The following CNTN4 variants were observed in gnomAD, a reference collection of about 807,000 sequenced individuals.
CNTN4 encodes contactin-4.
In CNTN4, 77 loss-of-function variants were observed where a neutral mutation model predicts 122.5. The observed-to-expected ratio is 0.63, with a 90% CI of 0.52 to 0.76. CNTN4 has a LOEUF of 0.76. Among genes scored for constraint, CNTN4 ranks in the 30% least tolerant of loss-of-function variants. CNTN4 has a pLI of 0.00. For synonymous variants in CNTN4, 512 were observed against 447.0 expected (o/e 1.15, Z -1.83); for missense variants, 1,256 against 1,259.1 (o/e 1.00, Z 0.04).
rs377207115 is a variant in CNTN4 at position 2,652,878 on chromosome 3, C to T, written c.55+81320C>T. ...ATCTTTTCTTTTGGAATTTTCTTTA[C>T]GGCTCCTATTTTATTCCTCTGAATA... is the stretch of plus-strand genomic sequence containing the variant. On this transcript the variant is annotated intron_variant, in intron 4 of 24. Transcript: ENST00000418658. 6.6e-5 allele frequency among the ~76,000 whole-genome samples: 10 copies of T among 152,044 alleles called. No individual in the cohort carries two copies. The East Asian group carries it at 7.7e-4, about 12-fold the overall frequency.
At chr3:2,173,336 A>C (rs1036482982) in intron 2 of CNTN4, among the ~76,000 whole-genome samples, 1 of 152,192 alleles carries the variant, frequency 6.6e-6, no homozygotes, top group Non-Finnish European at 1.5e-5. Flanking sequence ...GACATACAGA[A>C]TGGTGAGAAG....
At chr3:2,348,347 T>G (rs1012471954) in intron 3 of CNTN4, among the ~76,000 whole-genome samples, 3 of 152,224 alleles carry the variant, frequency 2.0e-5, no homozygotes, top group Non-Finnish European at 4.4e-5. Context: ...TTTTTCTACC[T>G]TCTTTTCATG....
intron 7 of CNTN4, among the ~76,000 whole-genome samples, chr3:2,820,953 TTC>T (rs1175882142): frequency 1.6e-5 from 2 of 122,806 alleles, no homozygotes; most frequent in South Asian, 2.7e-4. Flanking sequence ...ATGCAACATT[TTC>T]TCTTTCTTTT....
intron 3 of CNTN4, among the ~76,000 whole-genome samples, chr3:2,388,075 T>G (rs1348614301): frequency 6.6e-6 from 1 of 152,170 alleles, no homozygotes; most frequent in African/African-American, 2.4e-5. Context: ...AGAGCTAGAT[T>G]AACAATATAT....
At chr3:2,287,830 G>C (rs1616548) in intron 2 of CNTN4, among the ~76,000 whole-genome samples, 1 of 151,918 alleles carries the variant, frequency 6.6e-6, no homozygotes, top group Non-Finnish European at 1.5e-5. Flanking sequence ...GAAGAAGAAG[G>C]CTGATCTGAT....
At chr3:2,459,003 T>C (rs1245891818) in intron 3 of CNTN4, among the ~76,000 whole-genome samples, 1 of 152,186 alleles carries the variant, frequency 6.6e-6, no homozygotes, top group African/African-American at 2.4e-5. Context: ...GAATGTAGCA[T>C]TCTTTCTCAG....
intron 3 of CNTN4, among the ~76,000 whole-genome samples, chr3:2,520,259 C>CTTTTTTGTTTTTTTTTTTTTTTTTTT (rs2077161456): frequency 1.3e-5 from 1 of 74,470 alleles, no homozygotes; most frequent in African/African-American, 7.2e-5. Context: ...TGATTGCTTC[C>CTTTTTTGTTTTTTTTTTTTTTTTTTT]TTTTTTTTTT....
At chr3:2,136,281 C>T (rs891436487) in intron 2 of CNTN4, among the ~76,000 whole-genome samples, 5 of 152,090 alleles carry the variant, frequency 3.3e-5, no homozygotes, top group Admixed American at 6.6e-5. Context: ...TGAAGCTGTA[C>T]CTGAAGCTAG....
chr3:2,099,158 C>G (rs528026828), intron 1 of CNTN4, 180 bp downstream of exon 1: 1 of 152,262 alleles, frequency 6.6e-6, no homozygotes, highest in African/African-American at 2.4e-5. Context: ...CCGTCCAGCT[C>G]AGAGCCCGGA....
chr3:2,944,466 G>A (rs2151534373), intron 13 of CNTN4, among the ~76,000 whole-genome samples: 1 of 152,104 alleles, frequency 6.6e-6, no homozygotes, highest in South Asian at 2.1e-4. Context: ...CATGATGTTG[G>A]TAACGAAACT....
chr3:2,541,931 A>T (rs1452495979), intron 3 of CNTN4, among the ~76,000 whole-genome samples: 10 of 152,090 alleles, frequency 6.6e-5, no homozygotes. Context: ...GAGTTGTGAA[A>T]CTAAAAGGCA....
chr3:2,508,450 A>G (rs2076794957), intron 3 of CNTN4, among the ~76,000 whole-genome samples: 1 of 152,208 alleles, frequency 6.6e-6, no homozygotes, highest in Non-Finnish European at 1.5e-5. Flanking sequence ...AAAAATATTG[A>G]TTAAGCCTCA....
intron 2 of CNTN4, among the ~76,000 whole-genome samples, chr3:2,103,163 G>A (rs1287802367): frequency 6.7e-6 from 1 of 150,084 alleles, no homozygotes; most frequent in Admixed American, 6.6e-5. Context: ...TCTCACTCCA[G>A]AATTGATTTT....
chr3:2,489,059 AC>A (rs111634136), intron 3 of CNTN4, among the ~76,000 whole-genome samples: 9 of 151,254 alleles, frequency 6.0e-5, no homozygotes, highest in African/African-American at 1.5e-4. Flanking sequence ...TTTGCAAATT[AC>A]TTTTTTTTCT....
rs1264513133 is a variant in CNTN4, at chr3:2,841,189, C to T, written c.454+21608C>T. Among the ~76,000 whole-genome samples, 1 of 152,166 alleles carries T rather than the reference C, an allele frequency of 6.6e-6. No individual in the cohort carries two copies. The highest frequency in any genetic ancestry group is 6.5e-5 in the Admixed American group (1 of 15,268). ...AAGTCAAAATATCTGTCTTTGTTTG[C>T]ATTGCCCAAAGAAGTTGGATCAAAA... On this transcript the variant is annotated intron_variant, in intron 7 of 24. Transcript: ENST00000418658. The surrounding 1 kb of genome is among the most constrained non-coding windows in gnomAD (Gnocchi z 4.8).
At chr3:2,776,631 G>A (rs1457888149) in intron 6 of CNTN4, among the ~76,000 whole-genome samples, 1 of 152,144 alleles carries the variant, frequency 6.6e-6, no homozygotes, top group African/African-American at 2.4e-5. Flanking sequence ...TAAACTTCTT[G>A]AGGAAAGGGA....
intron 3 of CNTN4, among the ~76,000 whole-genome samples, chr3:2,432,498 C>T (rs116508694): frequency 2.0e-3 from 297 of 152,180 alleles, no homozygotes; most frequent in African/African-American, 6.6e-3. Flanking sequence ...GGAAGTAGCA[C>T]TGAGCTGAGA....
In CNTN4 at chr3:2,745,582, A is replaced by G; in HGVS notation, c.243A>G (p.Glu81=). The G allele has an allele frequency of 1.2e-6, 2 of 1,614,164 alleles. No individual in the cohort carries two copies. Among genetic ancestry groups the G allele is most frequent in the South Asian group, 2.2e-5 (2 of 91,086 alleles). The change falls in exon 6 of 25, where the codon GAA becomes GAG. Residue 81 remains glutamate (E), a synonymous_variant. Transcript: ENST00000418658. ...TGGATTTCCGCTACAGTGTTGTTGA[A>G]GGGAGCTTGTTGATCAATAACCCCA... ...TGMDFRYSVV[E]GSLLINNPNK...
chr3:2,848,716 G>A (rs2093497062), intron 7 of CNTN4, among the ~76,000 whole-genome samples: 1 of 152,194 alleles, frequency 6.6e-6, no homozygotes, highest in African/African-American at 2.4e-5. Context: ...AACTCAGCGG[G>A]AAGGAGAAAA....
Sources: allele counts gnomAD v4.1 joint callset (sites outside exome capture counted in the v4.1 genomes callset), GRCh38; gene constraint gnomAD v4.1.1; non-coding constraint Gnocchi (gnomAD v3.1); transcripts MANE v1.5; gene names NCBI Gene and HGNC (gene_info 2026-07-23, HGNC 2026-07-21).